Variants in NUP58 observed in about 807,000 individuals in gnomAD.
NUP58 encodes the protein nucleoporin 58, also known as nucleoporin p58/p45.
NUP58 carries 17 observed loss-of-function variants against 70.1 expected under a neutral mutation model. The ratio of observed to expected loss-of-function variants is 0.24; its 90% CI spans 0.17 to 0.36. NUP58 has a LOEUF of 0.36. NUP58 is among the 10% of genes least tolerant of loss of function. The pLI is 1.00. For synonymous variants in NUP58, 275 were observed against 257.6 expected (o/e 1.07, Z -0.65); for missense variants, 644 against 701.5 (o/e 0.92, Z 0.93).
rs530029880 is a variant in NUP58, at chr13:25,303,186, C to G, written c.107+1306C>G. On this transcript the variant is annotated intron_variant, in intron 1 of 15. Transcript: ENST00000381736. ...TGAAAAACAAAATTCCCATTGCTCT[C>G]TCTTTAATCATTACCCGCCATCGTT... 492 of 436,572 alleles carry G rather than the reference C, an allele frequency of 1.1e-3. 3 individuals carry two copies. Among genetic ancestry groups the G allele is most frequent in the African/African-American group, 9.4e-3 (458 of 48,700 alleles). 27.0% of individuals were successfully genotyped at this position (436,572 alleles called of 1,614,324 possible). A position where few individuals can be genotyped will look rare whatever the true frequency, so the allele number is the denominator to read the frequency against.
At chr13:25,313,559 T>G in intron 4 of NUP58, 55 bp from the exon 5 acceptor site, 1 of 1,371,166 alleles carries the variant, frequency 7.3e-7, no homozygotes, top group Non-Finnish European at 9.5e-7. Flanking sequence ...TGTATTTTTC[T>G]ATGGTGCTGT....
rs982446261 is a variant in NUP58 at position 25,341,243 on chromosome 13, T to C, written c.*1109T>C. The C allele has an allele frequency of 9.2e-5, 14 of 152,612 alleles. No homozygotes were observed. Among genetic ancestry groups the C allele is most frequent in the Admixed American group, 8.5e-4 (13 of 15,284 alleles). 9.5% of individuals were successfully genotyped at this position (152,612 alleles called of 1,614,324 possible). A position where few individuals can be genotyped will look rare whatever the true frequency, so the allele number is the denominator to read the frequency against. ...CATCAAACAGATTTTAACCATTTTA[T>C]TATCCTGTGTGTCCTTACATTGCTT... On this transcript the variant is annotated 3_prime_UTR_variant, in exon 16 of 16. Coordinates refer to ENST00000381736, the MANE Select transcript of NUP58 (RefSeq NM_014089.4).
At chr13:25,333,839 A>G (rs1354543002) in intron 13 of NUP58, 2 of 985,274 alleles carry the variant, frequency 2.0e-6, no homozygotes, top group East Asian at 1.1e-4. Flanking sequence ...GAGCTTATGC[A>G]TTGTTTTTAT....
At chr13:25,347,946 C>T (rs904294233) in intron 3 of NUP58, among the ~76,000 whole-genome samples, 4 of 152,092 alleles carry the variant, frequency 2.6e-5, no homozygotes, top group African/African-American at 9.7e-5. Flanking sequence ...TGATTTAGAA[C>T]GAGAAATTCT....
intron 9 of NUP58, among the ~76,000 whole-genome samples, chr13:25,324,499 A>G (rs887688287): frequency 4.6e-5 from 7 of 152,130 alleles, no homozygotes; most frequent in Admixed American, 2.0e-4. Flanking sequence ...TTGTAAATCC[A>G]TTTCTTCATC....
chr13:25,338,951 G>A, intron 15 of NUP58: 1 of 332,634 alleles, frequency 3.0e-6, no homozygotes, highest in Non-Finnish European at 5.4e-6. Flanking sequence ...TTCTTAGTTT[G>A]ATTTAATAAT....
intron 11 of NUP58, 96 bp downstream of exon 11, chr13:25,327,130 C>T (rs1167476460): frequency 5.9e-6 from 4 of 673,602 alleles, no homozygotes; most frequent in Non-Finnish European, 1.0e-5. Flanking sequence ...CTGGTAGCCC[C>T]TTTAAGAAAA....
intron 7 of NUP58, chr13:25,320,164 T>C (rs941399888): frequency 6.1e-6 from 1 of 163,234 alleles, no homozygotes; most frequent in African/African-American, 2.4e-5. Context: ...TATTTTGGAA[T>C]GGAATAAATT....
chr13:25,332,786 C>A (rs2031655856), intron 13 of NUP58: 1 of 985,274 alleles, frequency 1.0e-6, no homozygotes, highest in Non-Finnish European at 1.2e-6. Context: ...TGTAGGATTG[C>A]ATTGTTAAGT....
chr13:25,313,398 A>G (rs1413176280), intron 4 of NUP58, among the ~76,000 whole-genome samples: 3 of 152,188 alleles, frequency 2.0e-5, no homozygotes, highest in Non-Finnish European at 2.9e-5. Flanking sequence ...ACCTGGTACC[A>G]TTCTAATACT....
At chr13:25,337,737 G>A (rs550838548) in intron 14 of NUP58, among the ~76,000 whole-genome samples, 2 of 152,136 alleles carry the variant, frequency 1.3e-5, no homozygotes, top group African/African-American at 2.4e-5. Flanking sequence ...AAGCTATTAC[G>A]GTTGTTTAAT....
At chr13:25,322,434 G>A (rs2031224729) in intron 9 of NUP58, among the ~76,000 whole-genome samples, 1 of 152,192 alleles carries the variant, frequency 6.6e-6, no homozygotes, top group Non-Finnish European at 1.5e-5. Flanking sequence ...AAATATGAAT[G>A]TAATACAGGT....
At chr13:25,336,101 TAC>T in intron 13 of NUP58, 1 of 1,268,396 alleles carries the variant, frequency 7.9e-7, no homozygotes, top group South Asian at 1.4e-5. Flanking sequence ...TGCTTCTGAG[TAC>T]ATTTTCCAAA....
intron 13 of NUP58, chr13:25,333,519 G>T: frequency 1.0e-6 from 1 of 985,238 alleles, no homozygotes; most frequent in Non-Finnish European, 1.2e-6. Context: ...CAGTGTTTTC[G>T]CTTTGAATTG....
At chr13:25,318,682 A>G (rs2031048272) in intron 6 of NUP58, among the ~76,000 whole-genome samples, 1 of 152,202 alleles carries the variant, frequency 6.6e-6, no homozygotes, top group African/African-American at 2.4e-5. Flanking sequence ...AATATAAACT[A>G]AGAATTATTA....
At chr13:25,319,009 A>G (rs1334589639) in intron 6 of NUP58, among the ~76,000 whole-genome samples, 2 of 152,238 alleles carry the variant, frequency 1.3e-5, no homozygotes, top group Non-Finnish European at 2.9e-5. Flanking sequence ...TCTGCCATAT[A>G]TCTGCTTATG....
At chr13:25,304,481 TATATA>T (rs2030196804) in intron 1 of NUP58, among the ~76,000 whole-genome samples, 2 of 11,086 alleles carry the variant, frequency 1.8e-4, no homozygotes, top group South Asian at 3.2e-3. Context: ...GTCAAGATTA[TATATA>T]TATATATATA....
intron 13 of NUP58, chr13:25,335,032 G>A: frequency 2.0e-6 from 2 of 985,152 alleles, no homozygotes; most frequent in African/African-American, 1.7e-5. Flanking sequence ...TATATATGGT[G>A]GCCAGAGTGT....
chr13:25,336,492 G>T, intron 13 of NUP58: 1 of 334,708 alleles, frequency 3.0e-6, no homozygotes, highest in Non-Finnish European at 5.5e-6. Flanking sequence ...ATTGAGACTT[G>T]ACTCTAACAC....
Sources: gnomAD v4.1 joint callset for allele counts (sites outside exome capture counted in the v4.1 genomes callset) on GRCh38, gnomAD v4.1.1 for gene constraint, MANE v1.5 for transcripts, NCBI Gene and HGNC (gene_info 2026-07-23, HGNC 2026-07-21) for gene names.